Variants in SDK1 observed in about 807,000 individuals in gnomAD.
SDK1 encodes the protein protein sidekick-1.
In SDK1, 157 loss-of-function variants were observed where a neutral mutation model predicts 245.5. The ratio of observed to expected loss-of-function variants is 0.64; its 90% CI spans 0.56 to 0.73. SDK1 has a LOEUF of 0.73. Among genes scored for constraint, SDK1 ranks in the 30% least tolerant of loss-of-function variants. The probability of loss-of-function intolerance (pLI) is 0.00; values close to 1 mark genes in which losing one functional copy is unlikely to be tolerated. For synonymous variants in SDK1, 1,647 were observed against 1,278.5 expected (o/e 1.29, Z -6.15); for missense variants, 3,583 against 3,002.3 (o/e 1.19, Z -4.52).
chr7:4,219,778 G>A (rs1164865045), intron 38 of SDK1, among the ~76,000 whole-genome samples: 1 of 151,866 alleles, frequency 6.6e-6, no homozygotes, highest in Non-Finnish European at 1.5e-5. Context: ...CCAACCTGGA[G>A]AATGGCAGGA....
intron 1 of SDK1, among the ~76,000 whole-genome samples, chr7:3,378,695 T>C (rs1781411183): frequency 6.6e-6 from 1 of 152,134 alleles, no homozygotes; most frequent in Non-Finnish European, 1.5e-5. Context: ...TAGGTAAGGA[T>C]CTGCAACTCA....
intron 5 of SDK1, among the ~76,000 whole-genome samples, chr7:3,877,656 C>G (rs1026028777): frequency 5.3e-5 from 8 of 152,228 alleles, no homozygotes; most frequent in African/African-American, 7.2e-5. Context: ...AATCCTATCA[C>G]ACAGAGTTAA....
At chr7:3,846,559 A>C (rs909054948) in intron 5 of SDK1, among the ~76,000 whole-genome samples, 4 of 152,182 alleles carry the variant, frequency 2.6e-5, no homozygotes, top group African/African-American at 9.7e-5. Context: ...GCGAAAAGGA[A>C]GCCATCCACC....
chr7:4,024,381 A>G (rs1426021463), intron 17 of SDK1, among the ~76,000 whole-genome samples: 1 of 135,256 alleles, frequency 7.4e-6, no homozygotes, highest in African/African-American at 3.1e-5. Flanking sequence ...CTCAAGCCCT[A>G]CAAGACTTTC....
At chr7:3,828,372 A>G (rs1779829780) in intron 5 of SDK1, among the ~76,000 whole-genome samples, 1 of 152,052 alleles carries the variant, frequency 6.6e-6, no homozygotes, top group African/African-American at 2.4e-5. Flanking sequence ...ATTCTATAAC[A>G]AAATTTCTTC....
At chr7:4,057,050 C>T (rs991617298) in intron 19 of SDK1, among the ~76,000 whole-genome samples, 3 of 152,158 alleles carry the variant, frequency 2.0e-5, no homozygotes, top group African/African-American at 4.8e-5. Context: ...GGACAGACTT[C>T]GCTTCCAGGC....
intron 35 of SDK1, among the ~76,000 whole-genome samples, chr7:4,194,254 A>G (rs1470806175): frequency 1.3e-5 from 2 of 150,514 alleles, no homozygotes; most frequent in East Asian, 1.9e-4. Flanking sequence ...AGATATATGT[A>G]TGCACGTATG....
intron 5 of SDK1, among the ~76,000 whole-genome samples, chr7:3,850,590 A>G (rs1423566163): frequency 2.6e-5 from 4 of 152,218 alleles, no homozygotes; most frequent in Non-Finnish European, 5.9e-5. Context: ...CACAATAGCA[A>G]AGACTTGGAA....
chr7:3,748,142 A>G (rs1417577017), intron 4 of SDK1, among the ~76,000 whole-genome samples: 2 of 152,192 alleles, frequency 1.3e-5, no homozygotes, highest in African/African-American at 4.8e-5. Flanking sequence ...TAATGCTATA[A>G]TATTAAACGT....
At chr7:4,243,429 C>T (rs564886198) in intron 43 of SDK1, among the ~76,000 whole-genome samples, 8 of 152,288 alleles carry the variant, frequency 5.3e-5, no homozygotes, top group African/African-American at 1.7e-4. Flanking sequence ...TCTGTCCTCA[C>T]GCTGCTAATA....
At chr7:4,127,063 G>A (rs942059772) in intron 25 of SDK1, among the ~76,000 whole-genome samples, 2 of 152,120 alleles carry the variant, frequency 1.3e-5, no homozygotes, top group Non-Finnish European at 2.9e-5. Flanking sequence ...GTGTCTGAAA[G>A]TCAGGATTTC....
At chr7:3,840,967 AT>A (rs1780142390) in intron 5 of SDK1, among the ~76,000 whole-genome samples, 1 of 152,112 alleles carries the variant, frequency 6.6e-6, no homozygotes, top group African/African-American at 2.4e-5. Context: ...CCTCCAGTTA[AT>A]TTAGGGAGTG....
chr7:4,055,048 T>C (rs1188773109), intron 19 of SDK1, among the ~76,000 whole-genome samples: 1 of 152,230 alleles, frequency 6.6e-6, no homozygotes, highest in Non-Finnish European at 1.5e-5. Context: ...GATATTAATC[T>C]GTAGTTGTCT....
Position 4,034,186 on chromosome 7 carries a change from C to T in SDK1, c.2603-15162C>T, listed in dbSNP as rs557940390. On this transcript the variant is annotated intron_variant, in intron 17 of 44. Transcript: ENST00000404826. ...GGAACATATTGCACAAGAAATTGGA[C>T]GGCAGCCTCCAAAAGTGACAAGGTC... Among the ~76,000 whole-genome samples the T allele has an allele frequency of 5.3e-5, 8 of 152,288 alleles. No homozygotes were observed. In the South Asian group the frequency reaches 1.5e-3, roughly 28 times the overall value.
At chr7:3,617,155 G>A (rs1489081832) in intron 1 of SDK1, among the ~76,000 whole-genome samples, 1 of 152,096 alleles carries the variant, frequency 6.6e-6, no homozygotes, top group South Asian at 2.1e-4. Context: ...TATATATAAG[G>A]CATTTAGAAT....
intron 21 of SDK1, among the ~76,000 whole-genome samples, chr7:4,079,186 G>C (rs1014572660): frequency 6.6e-6 from 1 of 152,198 alleles, no homozygotes; most frequent in African/African-American, 2.4e-5. Context: ...AGATGCGTAA[G>C]ACATGACGTG....
chr7:3,567,073 A>T (rs1196563416), intron 1 of SDK1, among the ~76,000 whole-genome samples: 3 of 152,184 alleles, frequency 2.0e-5, no homozygotes, highest in African/African-American at 7.2e-5. Flanking sequence ...GAACACTTTT[A>T]GATAATTGAA....
At chr7:3,518,631 T>C (rs550200397) in intron 1 of SDK1, among the ~76,000 whole-genome samples, 195 of 152,012 alleles carry the variant, frequency 1.3e-3, no homozygotes, top group African/African-American at 4.6e-3. Context: ...CACAATAAGA[T>C]ATCATCTCAT....
At chr7:3,358,024 C>G (rs1327706195) in intron 1 of SDK1, among the ~76,000 whole-genome samples, 1 of 150,316 alleles carries the variant, frequency 6.7e-6, no homozygotes, top group African/African-American at 2.4e-5. Context: ...TTCTTTTTTT[C>G]TTTTTTTTTG....
Sources: gnomAD v4.1 joint callset for allele counts (sites outside exome capture counted in the v4.1 genomes callset) on GRCh38, gnomAD v4.1.1 for gene constraint, MANE v1.5 for transcripts, NCBI Gene and HGNC (gene_info 2026-07-23, HGNC 2026-07-21) for gene names.